CAMTA1: variants seen among roughly 807,000 people sequenced by gnomAD.
The protein encoded by CAMTA1 is calmodulin binding transcription activator 1, also known as calmodulin-binding transcription activator 1.
Under a neutral mutation model 170.9 loss-of-function variants are expected in CAMTA1, and 27 were observed. The observed-to-expected ratio is 0.16, with a 90% CI of 0.12 to 0.22. The LOEUF (loss-of-function observed/expected upper bound fraction) is 0.22, where lower values mean the gene tolerates loss of function less well. Ranked by LOEUF, CAMTA1 falls within the 10% of genes least tolerant of loss-of-function variation. CAMTA1 has a pLI of 1.00. For synonymous variants in CAMTA1, 833 were observed against 891.5 expected, an observed-to-expected ratio of 0.93 and a Z score of 1.17; for missense variants, 1,619 against 2,217.2, an observed-to-expected ratio of 0.73 and a Z score of 5.42.
At chr1:7,381,061 T>G (rs1271859641) in intron 5 of CAMTA1, among the ~76,000 whole-genome samples, 3 of 152,256 alleles carry the variant, frequency 2.0e-5, no homozygotes, top group African/African-American at 7.2e-5. Context: ...AGACAGGCTG[T>G]ATTAAGATAG....
rs58318758 is a variant in CAMTA1, at chr1:7,118,290, CT to C, written c.302+26939del. Among the ~76,000 whole-genome samples, 947 of 112,500 alleles carry C rather than the reference CT, an allele frequency of 8.4e-3. 10 individuals carry two copies. The highest frequency in any genetic ancestry group is 0.042 in the East Asian group (158 of 3,786). 73.8% of individuals were successfully genotyped at this position (112,500 alleles called of 152,430 possible). A position where few individuals can be genotyped will look rare whatever the true frequency, so the allele number is the denominator to read the frequency against. ...AGTGGGACTGCAGATTCTTGGCATC[CT>C]TTTTTTTTTTTTTTTTTTTGAGACA... On this transcript the variant is annotated intron_variant, in intron 4 of 22. Coordinates refer to ENST00000303635, the MANE Select transcript of CAMTA1 (RefSeq NM_015215.4).
intron 4 of CAMTA1, among the ~76,000 whole-genome samples, chr1:7,158,681 T>C (rs764920289): frequency 1.3e-5 from 2 of 152,164 alleles, no homozygotes; most frequent in African/African-American, 2.4e-5. Flanking sequence ...TATAGCAAGA[T>C]GTTAATTATA....
chr1:7,280,520 G>A (rs1671355739), intron 5 of CAMTA1, among the ~76,000 whole-genome samples: 2 of 152,344 alleles, frequency 1.3e-5, no homozygotes, highest in South Asian at 4.1e-4. Flanking sequence ...GGCCCAGGGT[G>A]CCACGTGGAT....
In CAMTA1 at chr1:7,199,055, C is replaced by G. The variant is rs1160387591; in HGVS notation, c.303-50436C>G. ...AGGAGGGCAGAGGTGTTTGTCTTTT[C>G]CCCCCCACTTCTCTCCCCTAAGCGC... On this transcript the variant is annotated intron_variant, in intron 4 of 22. Transcript: ENST00000303635. 2.0e-5 allele frequency among the ~76,000 whole-genome samples: 3 copies of G among 151,828 alleles called. No individual in the cohort carries two copies. In the East Asian group the frequency reaches 5.8e-4, roughly 29 times the overall value.
intron 3 of CAMTA1, among the ~76,000 whole-genome samples, chr1:6,860,474 T>C (rs1664254683): frequency 6.6e-6 from 1 of 152,240 alleles, no homozygotes; most frequent in South Asian, 2.1e-4. Flanking sequence ...TGTGGTTTTT[T>C]ACCTGAACTC....
chr1:7,502,394 A>G (rs1188492275), intron 6 of CAMTA1, among the ~76,000 whole-genome samples: 4 of 152,228 alleles, frequency 2.6e-5, no homozygotes, highest in Admixed American at 2.6e-4. Context: ...CGAGTTCTCC[A>G]GAGGAAATGC....
chr1:7,301,506 C>T (rs1398018324), intron 5 of CAMTA1, among the ~76,000 whole-genome samples: 1 of 152,140 alleles, frequency 6.6e-6, no homozygotes, highest in Non-Finnish European at 1.5e-5. Context: ...CGGGGAGGAT[C>T]CCTGTGAGCC....
At chr1:7,347,322 G>A (rs929301947) in intron 5 of CAMTA1, among the ~76,000 whole-genome samples, 2 of 152,186 alleles carry the variant, frequency 1.3e-5, no homozygotes, top group East Asian at 3.9e-4. Flanking sequence ...GCTCCGGAGA[G>A]GGAGTGGCCC....
intron 3 of CAMTA1, chr1:6,888,046 C>T: frequency 1.8e-6 from 2 of 1,105,674 alleles, no homozygotes; most frequent in Non-Finnish European, 2.2e-6. Flanking sequence ...TTCCTAGCAC[C>T]TGCCCCAGCG....
intron 6 of CAMTA1, among the ~76,000 whole-genome samples, chr1:7,491,673 G>T (rs2093705709): frequency 6.6e-6 from 1 of 152,114 alleles, no homozygotes; most frequent in Non-Finnish European, 1.5e-5. Flanking sequence ...TAAAGGAAAT[G>T]GTATTTAAAA....
chr1:6,822,823 C>CACACAA (rs1646659062), intron 2 of CAMTA1, among the ~76,000 whole-genome samples: 2 of 150,102 alleles, frequency 1.3e-5, no homozygotes, highest in Admixed American at 1.3e-4. Flanking sequence ...CACACACACA[C>CACACAA]ACAAACACAC....
intron 9 of CAMTA1, among the ~76,000 whole-genome samples, chr1:7,667,413 G>A (rs1374579256): frequency 3.9e-5 from 6 of 152,194 alleles, no homozygotes; most frequent in Non-Finnish European, 7.3e-5. Context: ...CTGACTCTCT[G>A]GGGCTCAGTT....
chr1:7,383,026 C>T (rs991205002), intron 5 of CAMTA1, among the ~76,000 whole-genome samples: 1 of 152,126 alleles, frequency 6.6e-6, no homozygotes, highest in East Asian at 1.9e-4. Context: ...TAATGATGAA[C>T]AAAACCAGAC....
chr1:7,221,699 G>T (rs1366187561), intron 4 of CAMTA1, among the ~76,000 whole-genome samples: 1 of 152,188 alleles, frequency 6.6e-6, no homozygotes, highest in Non-Finnish European at 1.5e-5. Flanking sequence ...CCTGCTTCTT[G>T]CTGGCTGTGG....
In CAMTA1 at chr1:7,044,370, T is replaced by C. The variant is rs1220330158; in HGVS notation, c.235-46934T>C. Reference sequence around the variant, plus strand: ...CTCAGAGCAGTGCCGCTGGGGACCCTGGGGACTCACAGCAGTACTGCTGGG... The same window carrying C: ...CTCAGAGCAGTGCCGCTGGGGACCCCGGGGACTCACAGCAGTACTGCTGGG... On this transcript the variant is annotated intron_variant, in intron 3 of 22. Transcript: ENST00000303635. The surrounding 1 kb of genome is among the most constrained non-coding windows in gnomAD (Gnocchi z 5.0). 6.6e-6 allele frequency among the ~76,000 whole-genome samples: 1 copy of C among 150,882 alleles called. No homozygotes were observed. Among genetic ancestry groups the C allele is most frequent in the Non-Finnish European group, 1.5e-5 (1 of 67,600 alleles).
chr1:6,896,355 A>C (rs1675666376), intron 3 of CAMTA1, among the ~76,000 whole-genome samples: 1 of 152,148 alleles, frequency 6.6e-6, no homozygotes, highest in African/African-American at 2.4e-5. Context: ...TTCCTGGGGC[A>C]GTGGGATGGC....
intron 3 of CAMTA1, among the ~76,000 whole-genome samples, chr1:6,855,284 A>G (rs1661869150): frequency 6.6e-6 from 1 of 151,974 alleles, no homozygotes. Flanking sequence ...GCTATAAAGA[A>G]ATACCCAAGA....
At position 6,918,127 on chromosome 1, in the gene CAMTA1, T is replaced by C. The variant is rs1557824354; in HGVS notation, c.234+92917T>C. On this transcript the variant is annotated intron_variant, in intron 3 of 22. Transcript: ENST00000303635. This position sits in a 1 kb window ranked among gnomAD's most constrained non-coding sequence, Gnocchi z 4.0. ...TCCTAATGGTGAAGGCCTCCCATGC[T>C]CCTGTTTGGGAAGAATTATGCAATT... 6.6e-6 allele frequency among the ~76,000 whole-genome samples: 1 copy of C among 152,118 alleles called. No individual in the cohort carries two copies. Among genetic ancestry groups the C allele is most frequent in the African/African-American group, 2.4e-5 (1 of 41,418 alleles).
chr1:7,706,881 C>G (rs1190245654), intron 11 of CAMTA1, among the ~76,000 whole-genome samples: 1 of 124,628 alleles, frequency 8.0e-6, no homozygotes. Flanking sequence ...TTATTTCAGG[C>G]TATTCTTTTT....
Sources: allele counts gnomAD v4.1 joint callset (sites outside exome capture counted in the v4.1 genomes callset), GRCh38; gene constraint gnomAD v4.1.1; non-coding constraint Gnocchi (gnomAD v3.1); transcripts MANE v1.5; gene names NCBI Gene and HGNC (gene_info 2026-07-23, HGNC 2026-07-21).